The following MTCL1 variants were observed in gnomAD, a reference collection of about 807,000 sequenced individuals.
MTCL1 encodes the protein microtubule crosslinking factor 1.
MTCL1 carries 79 observed loss-of-function variants against 141.4 expected under a neutral mutation model. The ratio of observed to expected loss-of-function variants is 0.56; its 90% confidence interval spans 0.47 to 0.67. The LOEUF (loss-of-function observed/expected upper bound fraction) is 0.67. MTCL1 is among the 30% of genes least tolerant of loss of function. MTCL1 has a pLI of 0.00. For missense variants in MTCL1, 2,177 were observed against 2,113.9 expected, an observed-to-expected ratio of 1.03 and a Z score of -0.59; for synonymous variants, 914 against 875.8, an observed-to-expected ratio of 1.04 and a Z score of -0.77.
rs367785279 is a variant in MTCL1 at position 8,806,889 on chromosome 18, G to A, written c.2437-4G>A. The A allele has an allele frequency of 5.6e-6, 9 of 1,612,250 alleles. No individual in the cohort carries two copies. The highest frequency in any genetic ancestry group is 2.2e-5 in the East Asian group (1 of 44,856). On this transcript the variant is annotated splice_region_variant and splice_polypyrimidine_tract_variant and intron_variant, in intron 10 of 16. Coordinates refer to ENST00000359865, the Ensembl canonical transcript of MTCL1. ...TGGTGGAGCCTGACTCAGTGTTCCC[G>A]CAGGTGGTGGAAAACCAGCAGCTGT...
intron 4 of MTCL1, among the ~76,000 whole-genome samples, chr18:8,747,987 C>G (rs539127122): frequency 6.6e-6 from 1 of 152,176 alleles, no homozygotes; most frequent in Admixed American, 6.5e-5. Flanking sequence ...GTCACCCACA[C>G]ACCTAAGCTC....
At chr18:8,797,152 A>C (rs142824182) in intron 9 of MTCL1, among the ~76,000 whole-genome samples, 1 of 152,252 alleles carries the variant, frequency 6.6e-6, no homozygotes, top group Non-Finnish European at 1.5e-5. Flanking sequence ...TGACGTTATC[A>C]CCCTGAGGTC....
In MTCL1 at chr18:8,705,902, C is replaced by T. The variant is rs1423546556; in HGVS notation, c.242C>T (p.Ala81Val). 2.7e-6 allele frequency: 3 copies of T among 1,098,170 alleles called. No individual in the cohort carries two copies. The highest frequency in any genetic ancestry group is 3.3e-6 in the Non-Finnish European group (3 of 903,374). The allele number at this position is 1,098,170 out of a possible 1,614,324, so 68.0% of individuals were successfully genotyped here. A position where few individuals can be genotyped will look rare whatever the true frequency, so the allele number is the denominator to read the frequency against. The change falls in exon 1 of 14, where the codon GCG (alanine) becomes GTG (valine). Residue 81 changes from alanine (A) to valine (V), a missense_variant. Ala to Val is a moderately conservative substitution (Grantham distance 64). Coordinates refer to the MTCL1 transcript ENST00000306329. The surrounding 1 kb of genome is among the most constrained non-coding windows in gnomAD (Gnocchi z 5.2). ...GCCGCCCCGCGCTCGCCCAACCTCG[C>T]GGGCAAAGCGCCGCCCTCGCCGGGG...
intron 4 of MTCL1, 31 bp from the exon 4 acceptor site, chr18:8,777,802 G>A: frequency 1.2e-6 from 2 of 1,609,296 alleles, no homozygotes; most frequent in Non-Finnish European, 1.7e-6. Context: ...GTGAGCCCTT[G>A]GTCACAGAAT....
intron 4 of MTCL1, among the ~76,000 whole-genome samples, chr18:8,736,685 T>C (rs965983244): frequency 6.7e-6 from 1 of 148,496 alleles, no homozygotes; most frequent in Non-Finnish European, 1.5e-5. Flanking sequence ...TCGCCCAGGC[T>C]GGAGTGCAGT....
chr18:8,783,966 C>G (rs756603583), exon 6 of MTCL1: 3 of 1,613,660 alleles, frequency 1.9e-6, no homozygotes, highest in South Asian at 1.1e-5. Context: ...GAAGAGGAAG[C>G]GGAGTTGCTC....
upstream of MTCL1, among the ~76,000 whole-genome samples, chr18:8,716,918 C>CAGTAGAGTGAATA (rs2096131982): frequency 1.3e-5 from 2 of 152,100 alleles, no homozygotes; most frequent in African/African-American, 4.8e-5. Context: ...TCTTGTGTAA[C>CAGTAGAGTGAATA]CCTTCAGTAG....
intron 5 of MTCL1, among the ~76,000 whole-genome samples, chr18:8,781,685 A>G: frequency 6.6e-6 from 1 of 152,206 alleles, no homozygotes; most frequent in East Asian, 1.9e-4. Flanking sequence ...CCATTATTTC[A>G]TTTGACCCTC....
At chr18:8,831,650 T>G in exon 17 of MTCL1, 1 of 1,550,464 alleles carries the variant, frequency 6.4e-7, no homozygotes, top group Non-Finnish European at 8.7e-7. Flanking sequence ...GAGCCCTGCT[T>G]CTCCAGGCCC....
At chr18:8,781,226 G>A (rs2096531719) in intron 5 of MTCL1, among the ~76,000 whole-genome samples, 2 of 142,158 alleles carry the variant, frequency 1.4e-5, no homozygotes, top group African/African-American at 2.6e-5. Context: ...ACAGATAAAC[G>A]AGCATGCTTT....
chr18:8,823,503 G>C (rs1216012608), intron 14 of MTCL1, among the ~76,000 whole-genome samples: 1 of 152,226 alleles, frequency 6.6e-6, no homozygotes, highest in East Asian at 1.9e-4. Flanking sequence ...GAATTGAGAA[G>C]AGGGAAATTC....
At chr18:8,772,692 A>G (rs1296066616) in intron 4 of MTCL1, among the ~76,000 whole-genome samples, 1 of 151,610 alleles carries the variant, frequency 6.6e-6, no homozygotes, top group African/African-American at 2.4e-5. Context: ...TATATCTTAA[A>G]TATAAATATA....
chr18:8,784,610 G>A (rs1396828663), exon 6 of MTCL1: 1 of 1,613,066 alleles, frequency 6.2e-7, no homozygotes, highest in African/African-American at 1.3e-5. Flanking sequence ...GGGCGAAGAG[G>A]AGCAGGGTGA....
intron 10 of MTCL1, among the ~76,000 whole-genome samples, chr18:8,804,241 T>C (rs1482730361): frequency 2.0e-5 from 3 of 151,522 alleles, no homozygotes; most frequent in Admixed American, 2.0e-4. Flanking sequence ...ACTGTACTTA[T>C]ATAATTTTTA....
chr18:8,814,056 G>T (rs763272394), intron 12 of MTCL1, among the ~76,000 whole-genome samples: 1 of 152,174 alleles, frequency 6.6e-6, no homozygotes, highest in Admixed American at 6.5e-5. Context: ...TAATCAGTAA[G>T]AAATTGAGCT....
chr18:8,785,580 T>C (rs2096549973), intron 6 of MTCL1: 1 of 248,328 alleles, frequency 4.0e-6, no homozygotes, highest in Non-Finnish European at 7.8e-6. Flanking sequence ...TCGTTTTCCG[T>C]TTCCTTCACG....
chr18:8,728,717 A>ATTAT (rs1598410920), intron 4 of MTCL1, among the ~76,000 whole-genome samples: 2 of 68,054 alleles, frequency 2.9e-5, no homozygotes, highest in African/African-American at 1.2e-4. Context: ...TATGTTGTCC[A>ATTAT]TTCTTTTTTT....
intron 7 of MTCL1, 132 bp from the exon 7 acceptor site, chr18:8,792,866 C>A: frequency 7.8e-7 from 1 of 1,284,860 alleles, no homozygotes; most frequent in South Asian, 1.4e-5. Context: ...ACAGTCACTC[C>A]ACTGCTGCAG....
chr18:8,710,888 C>CTTTTTTTTTTTTTTTTTTTTTCTT (rs71356255), intron 1 of MTCL1, among the ~76,000 whole-genome samples: 1 of 80,930 alleles, frequency 1.2e-5, no homozygotes, highest in African/African-American at 5.2e-5. Flanking sequence ...TTTTTTTTTA[C>CTTTTTTTTTTTTTTTTTTTTTCTT]TTTTTTTTTT....
Sources: allele counts gnomAD v4.1 joint callset (sites outside exome capture counted in the v4.1 genomes callset), GRCh38; gene constraint gnomAD v4.1.1; non-coding constraint Gnocchi (gnomAD v3.1); transcripts MANE v1.5; gene names NCBI Gene and HGNC (gene_info 2026-07-23, HGNC 2026-07-21).